IL1RAPL2: variants seen among roughly 807,000 people sequenced by gnomAD.
The protein encoded by IL1RAPL2 is X-linked interleukin-1 receptor accessory protein-like 2.
A neutral mutation model predicts 44.1 loss-of-function variants in IL1RAPL2; 3 were observed. The ratio of observed to expected loss-of-function variants is 0.07; its 90% CI spans 0.03 to 0.18. The LOEUF is 0.18. Among genes scored for constraint, IL1RAPL2 ranks in the 10% least tolerant of loss-of-function variants. The pLI, the probability that IL1RAPL2 is intolerant of heterozygous loss-of-function variation, is 1.00. For synonymous variants in IL1RAPL2, 181 were observed against 178.8 expected (o/e 1.01, Z -0.10); for missense variants, 391 against 496.4 (o/e 0.79, Z 2.02).
intron 7 of IL1RAPL2, among the ~76,000 whole-genome samples, chrX:105,734,487 C>T (rs2038431104): frequency 8.9e-6 from 1 of 111,986 alleles, no homozygotes; most frequent in South Asian, 3.7e-4. Flanking sequence ...CAAACTCTAA[C>T]TCCAAGGTTC....
chrX:105,504,094 G>A (rs189184489), intron 6 of IL1RAPL2, among the ~76,000 whole-genome samples: 1 of 111,978 alleles, frequency 8.9e-6, no homozygotes, highest in African/African-American at 3.2e-5. Context: ...GTATGACAGT[G>A]AACATCTGGA....
intron 6 of IL1RAPL2, among the ~76,000 whole-genome samples, chrX:105,529,012 A>C (rs909489523): frequency 9.0e-6 from 1 of 111,672 alleles, no homozygotes; most frequent in African/African-American, 3.2e-5. Context: ...AACAAATAAA[A>C]ATTTGTATAA....
At chrX:105,033,119 C>A (rs981189686) in intron 2 of IL1RAPL2, among the ~76,000 whole-genome samples, 1 of 111,372 alleles carries the variant, frequency 9.0e-6, no homozygotes, top group African/African-American at 3.3e-5. Flanking sequence ...ATGTGTGTCT[C>A]TGCACGTGAG....
At chrX:104,908,504 G>T (rs951380296) in intron 2 of IL1RAPL2, among the ~76,000 whole-genome samples, 6 of 110,950 alleles carry the variant, frequency 5.4e-5, no homozygotes, top group East Asian at 2.8e-4. Flanking sequence ...GCCTGGTGGT[G>T]ACAAAATCTC....
At chrX:105,736,401 G>GA (rs377272878) in intron 7 of IL1RAPL2, among the ~76,000 whole-genome samples, 301 of 91,937 alleles carry the variant, frequency 3.3e-3, no homozygotes, top group South Asian at 6.6e-3. Context: ...CTTCTGCACA[G>GA]AAAAAAAAAA....
At chrX:104,784,618 C>T (rs1379305199) in intron 2 of IL1RAPL2, among the ~76,000 whole-genome samples, 2 of 110,461 alleles carry the variant, frequency 1.8e-5, no homozygotes, top group Non-Finnish European at 3.8e-5. Context: ...CTAGGATTAT[C>T]CACACATAAC....
chrX:105,665,733 TGTTTTTTTG>T (rs1316563105), intron 6 of IL1RAPL2, among the ~76,000 whole-genome samples: 21 of 83,421 alleles, frequency 2.5e-4, no homozygotes, highest in African/African-American at 4.8e-4. Flanking sequence ...TTTGTTTTTT[TGTTTTTTTG>T]TTTTTTTTTT....
chrX:104,722,326 T>C (rs1931696142), intron 2 of IL1RAPL2, among the ~76,000 whole-genome samples: 3 of 111,831 alleles, frequency 2.7e-5, no homozygotes, highest in Middle Eastern at 4.6e-3. Flanking sequence ...CATGAAATAT[T>C]CTTTAAAAAA....
intron 2 of IL1RAPL2, among the ~76,000 whole-genome samples, chrX:105,029,960 G>A (rs1439515388): frequency 9.0e-6 from 1 of 111,715 alleles, no homozygotes; most frequent in Non-Finnish European, 1.9e-5. Flanking sequence ...GGTGTGAGAT[G>A]GTATCTCATT....
At chrX:105,274,114 C>G (rs916568337) in intron 5 of IL1RAPL2, among the ~76,000 whole-genome samples, 1 of 112,077 alleles carries the variant, frequency 8.9e-6, no homozygotes, top group African/African-American at 3.2e-5. Flanking sequence ...GTCTATCATT[C>G]CACTATAATA....
intron 7 of IL1RAPL2, among the ~76,000 whole-genome samples, chrX:105,734,999 C>T (rs2038435878): frequency 9.0e-6 from 1 of 111,427 alleles, no homozygotes. Flanking sequence ...TGATTCTCTG[C>T]ATTTGCCTTT....
At position 105,207,890 on chromosome X, in the gene IL1RAPL2, T is replaced by C. The variant is rs189252171; in HGVS notation, c.356+12142T>C. On this transcript the variant is annotated intron_variant, in intron 3 of 10. Transcript: ENST00000372582. The stretch of plus-strand genomic sequence containing the variant: ...ACTTAACTTGATGGCTTTTATTCCA[T>C]CATACATGAGGGAAAGTGATACGTG... 5.3e-5 allele frequency among the ~76,000 whole-genome samples: 6 copies of C among 112,350 alleles called. No homozygotes were observed. In the East Asian group the frequency reaches 1.7e-3, roughly 31 times the overall value.
At chrX:104,790,673 A>T (rs1932821164) in intron 2 of IL1RAPL2, among the ~76,000 whole-genome samples, 1 of 111,891 alleles carries the variant, frequency 8.9e-6, no homozygotes, top group Non-Finnish European at 1.9e-5. Flanking sequence ...AGTACAGAAA[A>T]GTATAAAGAA....
chrX:105,666,783 T>C (rs1291375568), intron 6 of IL1RAPL2, among the ~76,000 whole-genome samples: 1 of 111,444 alleles, frequency 9.0e-6, no homozygotes, highest in Non-Finnish European at 1.9e-5. Flanking sequence ...GCGCCCCTCA[T>C]GTGTCCATTT....
At chrX:104,847,549 T>G (rs971176962) in intron 2 of IL1RAPL2, among the ~76,000 whole-genome samples, 7 of 111,789 alleles carry the variant, frequency 6.3e-5, no homozygotes, top group African/African-American at 2.3e-4. Flanking sequence ...TCCACTCGTC[T>G]ATATCTCTGT....
At chrX:104,617,751 A>G (rs1929308005) in intron 1 of IL1RAPL2, among the ~76,000 whole-genome samples, 1 of 111,669 alleles carries the variant, frequency 9.0e-6, no homozygotes, top group Non-Finnish European at 1.9e-5. Flanking sequence ...TCCTGGATTG[A>G]TTTAGAAGTG....
chrX:105,728,183 T>TATC (rs1231651037), intron 7 of IL1RAPL2, among the ~76,000 whole-genome samples: 1 of 111,438 alleles, frequency 9.0e-6, no homozygotes, highest in Non-Finnish European at 1.9e-5. Context: ...CCACTTTATT[T>TATC]ATCTCTCCCT....
At chrX:105,639,483 G>C (rs2037548924) in intron 6 of IL1RAPL2, among the ~76,000 whole-genome samples, 1 of 110,876 alleles carries the variant, frequency 9.0e-6, no homozygotes, top group South Asian at 3.8e-4. Context: ...ATTCTAAAAG[G>C]GTAAGTAATA....
Position 105,476,329 on chromosome X carries a change from C to T in IL1RAPL2, c.698-7984C>T, listed in dbSNP as rs904091695. Among the ~76,000 whole-genome samples, 4 of 112,410 alleles carry T rather than the reference C, an allele frequency of 3.6e-5. No homozygotes were observed. In the Admixed American group the frequency reaches 3.8e-4, roughly 11 times the overall value. On this transcript the variant is annotated intron_variant, in intron 5 of 10. Transcript: ENST00000372582. ...TCAATAATTTTATCTTCCAAATATA[C>T]ATGTGAGGAACATGAACCATTGTCA... is the stretch of plus-strand genomic sequence containing the variant.
Sources: allele counts gnomAD v4.1 joint callset (sites outside exome capture counted in the v4.1 genomes callset), GRCh38; gene constraint gnomAD v4.1.1; transcripts MANE v1.5; gene names NCBI Gene and HGNC (gene_info 2026-07-23, HGNC 2026-07-21).